The following ULK4 variants were observed in gnomAD, a reference collection of about 807,000 sequenced individuals.
ULK4 encodes unc-51 like kinase 4.
In ULK4, 133 loss-of-function variants were observed where a neutral mutation model predicts 160.6. The ratio of observed to expected loss-of-function variants is 0.83; its 90% CI spans 0.72 to 0.96. The LOEUF (loss-of-function observed/expected upper bound fraction) is 0.96, where lower values mean the gene tolerates loss of function less well. Among genes scored for constraint, ULK4 ranks in the 40% least tolerant of loss-of-function variants. The pLI is 0.00. For missense variants in ULK4, 1,580 were observed against 1,499.5 expected (o/e 1.05, Z -0.89); for synonymous variants, 534 against 539.8 (o/e 0.99, Z 0.15).
At chr3:41,754,834 T>G (rs1357384982) in intron 21 of ULK4, among the ~76,000 whole-genome samples, 1 of 152,176 alleles carries the variant, frequency 6.6e-6, no homozygotes, top group Non-Finnish European at 1.5e-5. Context: ...ACTGGAAATG[T>G]GGCAGCAAAT....
intron 35 of ULK4, among the ~76,000 whole-genome samples, chr3:41,324,036 C>T (rs1355977507): frequency 6.6e-6 from 1 of 152,136 alleles, no homozygotes; most frequent in Non-Finnish European, 1.5e-5. Context: ...GCAGGACCAG[C>T]CCAGCAGGAA....
At chr3:41,527,547 G>A (rs141328925) in intron 32 of ULK4, among the ~76,000 whole-genome samples, 1 of 152,206 alleles carries the variant, frequency 6.6e-6, no homozygotes, top group African/African-American at 2.4e-5. Flanking sequence ...GCATATGCCA[G>A]AGCCAGGATT....
intron 35 of ULK4, among the ~76,000 whole-genome samples, chr3:41,390,566 G>A (rs1421378067): frequency 2.6e-5 from 4 of 152,020 alleles, no homozygotes; most frequent in Non-Finnish European, 4.4e-5. Flanking sequence ...GGTATGTTGT[G>A]TCTTTGTTCT....
chr3:41,506,998 A>G (rs1199945267), intron 32 of ULK4, among the ~76,000 whole-genome samples: 1 of 150,030 alleles, frequency 6.7e-6, no homozygotes, highest in Non-Finnish European at 1.5e-5. Context: ...TATATTGCAC[A>G]TATATACACA....
intron 29 of ULK4, among the ~76,000 whole-genome samples, chr3:41,680,625 A>G (rs2035893735): frequency 6.6e-6 from 1 of 152,210 alleles, no homozygotes; most frequent in South Asian, 2.1e-4. Flanking sequence ...ATGTAATTAC[A>G]TCTGATTTCT....
rs1368755760 is a variant in ULK4, at chr3:41,506,768, ATAT to A, written c.3227-43518_3227-43516del. 2.2e-3 allele frequency among the ~76,000 whole-genome samples: 144 copies of A among 66,734 alleles called. 23 individuals are homozygous for A. Among genetic ancestry groups the A allele is most frequent in the East Asian group, 3.7e-3 (5 of 1,340 alleles). 43.8% of individuals were successfully genotyped at this position (66,734 alleles called of 152,430 possible). A position where few individuals can be genotyped will look rare whatever the true frequency, so the allele number is the denominator to read the frequency against. On this transcript the variant is annotated intron_variant, in intron 32 of 36. Coordinates refer to ENST00000301831, the MANE Select transcript of ULK4 (RefSeq NM_017886.4). ...GCAATACACTGGAGTGTGATTTAAA[ATAT>A]ATATATATATATATATATATATATA...
intron 27 of ULK4, among the ~76,000 whole-genome samples, chr3:41,689,552 G>A (rs531707236): frequency 2.0e-5 from 3 of 152,134 alleles, no homozygotes; most frequent in East Asian, 3.9e-4. Flanking sequence ...CTGACAAAGG[G>A]CTAATATCCA....
intron 35 of ULK4, among the ~76,000 whole-genome samples, chr3:41,268,794 A>T (rs994154080): frequency 1.5e-5 from 2 of 132,688 alleles, no homozygotes; most frequent in African/African-American, 3.0e-5. Context: ...ACAGAGCAAG[A>T]CTCCGTCTCA....
intron 19 of ULK4, among the ~76,000 whole-genome samples, chr3:41,814,672 A>T (rs1323565931): frequency 1.3e-5 from 2 of 152,164 alleles, no homozygotes; most frequent in Non-Finnish European, 2.9e-5. Flanking sequence ...TAGATACATT[A>T]AAATTTTAGA....
intron 19 of ULK4, among the ~76,000 whole-genome samples, chr3:41,809,770 TATA>T (rs1391808546): frequency 6.6e-6 from 1 of 152,218 alleles, no homozygotes; most frequent in Non-Finnish European, 1.5e-5. Context: ...GCCCTACCAA[TATA>T]ATCTTTTTTC....
intron 34 of ULK4, among the ~76,000 whole-genome samples, chr3:41,432,080 C>T (rs1325785898): frequency 6.6e-6 from 1 of 152,114 alleles, no homozygotes; most frequent in East Asian, 1.9e-4. Flanking sequence ...ATTGTTGTTA[C>T]TTGTAAATGC....
intron 33 of ULK4, among the ~76,000 whole-genome samples, chr3:41,458,296 TAG>T (rs1474028513): frequency 2.0e-5 from 3 of 152,200 alleles, no homozygotes; most frequent in African/African-American, 7.2e-5. Flanking sequence ...CATGAGATCC[TAG>T]AGGATGGGGA....
intron 35 of ULK4, among the ~76,000 whole-genome samples, chr3:41,301,855 A>C (rs1215981635): frequency 2.6e-5 from 4 of 152,228 alleles, no homozygotes; most frequent in Admixed American, 1.3e-4. Flanking sequence ...TATCTGAAGT[A>C]AAACTAAGGT....
intron 35 of ULK4, among the ~76,000 whole-genome samples, chr3:41,338,172 T>C (rs1253023371): frequency 6.6e-6 from 1 of 152,224 alleles, no homozygotes; most frequent in Non-Finnish European, 1.5e-5. Flanking sequence ...CTCCAATTTT[T>C]CTCCAATAGG....
chr3:41,884,520 T>C (rs761774168), intron 16 of ULK4, among the ~76,000 whole-genome samples: 87 of 152,378 alleles, frequency 5.7e-4, no homozygotes, highest in Non-Finnish European at 1.1e-3. Flanking sequence ...TTAAATGACA[T>C]TCAATGTGAT....
intron 32 of ULK4, among the ~76,000 whole-genome samples, chr3:41,467,707 T>C (rs1448160069): frequency 1.3e-5 from 2 of 152,132 alleles, no homozygotes; most frequent in Non-Finnish European, 2.9e-5. Context: ...TTGCAAAAAT[T>C]AAAGAATTCT....
chr3:41,634,845 A>G, intron 30 of ULK4, among the ~76,000 whole-genome samples: 1 of 152,230 alleles, frequency 6.6e-6, no homozygotes, highest in African/African-American at 2.4e-5. Context: ...CAGAGTTTAT[A>G]ACCTTAACTG....
chr3:41,813,285 C>T, intron 19 of ULK4, among the ~76,000 whole-genome samples: 1 of 151,944 alleles, frequency 6.6e-6, no homozygotes, highest in Non-Finnish European at 1.5e-5. Flanking sequence ...CACACATACC[C>T]TAGAACTTAA....
intron 17 of ULK4, among the ~76,000 whole-genome samples, chr3:41,861,973 A>G (rs1456334454): frequency 6.6e-6 from 1 of 151,774 alleles, no homozygotes; most frequent in African/African-American, 2.4e-5. Context: ...TATCACACCC[A>G]GCTAATTTTT....
Sources: allele counts gnomAD v4.1 joint callset (sites outside exome capture counted in the v4.1 genomes callset), GRCh38; gene constraint gnomAD v4.1.1; transcripts MANE v1.5; gene names NCBI Gene and HGNC (gene_info 2026-07-23, HGNC 2026-07-21).